Variants in FOXK1 observed in about 807,000 individuals in gnomAD.
FOXK1 encodes forkhead box protein K1.
In FOXK1, 19 loss-of-function variants were observed where a neutral mutation model predicts 51.9. That is an observed-to-expected ratio of 0.37 (90% CI 0.26 to 0.54). The LOEUF is 0.54. FOXK1 is among the 20% of genes least tolerant of loss of function. FOXK1 has a pLI of 0.87. For missense variants in FOXK1, 870 were observed against 1,032.7 expected, an observed-to-expected ratio of 0.84 and a Z score of 2.16; for synonymous variants, 537 against 482.6, an observed-to-expected ratio of 1.11 and a Z score of -1.48.
chr7:4,704,510 A>G (rs1278242613), intron 1 of FOXK1, among the ~76,000 whole-genome samples: 1 of 151,612 alleles, frequency 6.6e-6, no homozygotes, highest in Non-Finnish European at 1.5e-5. Flanking sequence ...ACACAAATAA[A>G]TATTTTTCAA....
chr7:4,754,967 A>C, intron 3 of FOXK1: 2 of 564,630 alleles, frequency 3.5e-6, no homozygotes, highest in Non-Finnish European at 6.3e-6. Context: ...TTTTTGTCCA[A>C]TAGCTGTTTT....
intron 1 of FOXK1, among the ~76,000 whole-genome samples, chr7:4,701,060 C>G (rs149853226): frequency 9.1e-4 from 138 of 152,336 alleles, no homozygotes; most frequent in African/African-American, 3.2e-3. Context: ...CTGCCCCAGC[C>G]TGTTCCAGCA....
Position 4,764,630 on chromosome 7 carries a change from G to T in FOXK1, c.*2166G>T, listed in dbSNP as rs529095919. The T allele has an allele frequency of 6.5e-6, 1 of 153,006 alleles. No homozygotes were observed. The allele number at this position is 153,006 out of a possible 1,614,324, so 9.5% of individuals were successfully genotyped here. ...GTGTGGCCTGAGCCGGCGCCCTCCC[G>T]GGAGCGCCCGTCACGGGGGGCCTCT... On this transcript the variant is annotated 3_prime_UTR_variant, in exon 9 of 9. Coordinates refer to ENST00000328914, the MANE Select transcript of FOXK1 (RefSeq NM_001037165.2).
Position 4,729,001 on chromosome 7 carries a change from T to G in FOXK1, c.561-11837T>G, listed in dbSNP as rs1030708074. On this transcript the variant is annotated intron_variant, in intron 1 of 8. Coordinates refer to ENST00000328914, the MANE Select transcript of FOXK1 (RefSeq NM_001037165.2). The surrounding 1 kb of genome is among the most constrained non-coding windows in gnomAD (Gnocchi z 6.2). The stretch of plus-strand genomic sequence containing the variant: ...ATTTTGACTTCCCAGAAGCATTTTC[T>G]TAAATCAGCGTAGAGACAGAAGATG... Among the ~76,000 whole-genome samples the G allele has an allele frequency of 2.0e-5, 3 of 152,240 alleles. No homozygotes were observed. The highest frequency in any genetic ancestry group is 4.4e-5 in the Non-Finnish European group (3 of 68,040).
In FOXK1 at chr7:4,730,513, G is replaced by GTGTC. The variant is rs1780436768; in HGVS notation, c.561-10320_561-10317dup. ...GTTTGCAGGCACCAGTGCTGGTTCCGTGTCTGTCGGGGAGGGGATGGACGT... is the reference window on the plus strand; with the variant it reads ...GTTTGCAGGCACCAGTGCTGGTTCCGTGTCTGTCTGTCGGGGAGGGGATGGACGT... On this transcript the variant is annotated intron_variant, in intron 1 of 8. Transcript: ENST00000328914. This position sits in a 1 kb window ranked among gnomAD's most constrained non-coding sequence, Gnocchi z 4.7. 6.6e-6 allele frequency among the ~76,000 whole-genome samples: 1 copy of GTGTC among 152,254 alleles called. No homozygotes were observed. The highest frequency in any genetic ancestry group is 1.5e-5 in the Non-Finnish European group (1 of 68,042).
chr7:4,737,552 CTG>C (rs146678822), intron 1 of FOXK1, among the ~76,000 whole-genome samples: 216 of 148,878 alleles, frequency 1.5e-3, no homozygotes, highest in African/African-American at 4.0e-3. Context: ...GTGTGCGTGC[CTG>C]TGTGTGTGTG....
At position 4,683,045 on chromosome 7, in the gene FOXK1, C is replaced by T. The variant is rs190857619; in HGVS notation, c.560+177C>T. On this transcript the variant is annotated intron_variant, in intron 1 of 8. Transcript: ENST00000328914. The surrounding 1 kb of genome is among the most constrained non-coding windows in gnomAD (Gnocchi z 4.5). ...CCGGGGTCAACCCCGACCCCCGCCT[C>T]CTGGCTCCCTAGGATCACCCCGACC... is the stretch of plus-strand genomic sequence containing the variant. Among the ~76,000 whole-genome samples, 1,166 of 146,284 alleles carry T rather than the reference C, an allele frequency of 8.0e-3. 17 individuals carry two copies. Among genetic ancestry groups the T allele is most frequent in the African/African-American group, 0.027 (1,061 of 39,552 alleles).
chr7:4,701,169 G>C (rs1391406452), intron 1 of FOXK1, among the ~76,000 whole-genome samples: 4 of 152,190 alleles, frequency 2.6e-5, no homozygotes, highest in East Asian at 3.9e-4. Flanking sequence ...GGCTGTGAAG[G>C]CTGCACGATC....
At chr7:4,713,241 T>C (rs1038215316) in intron 1 of FOXK1, among the ~76,000 whole-genome samples, 1 of 152,268 alleles carries the variant, frequency 6.6e-6, no homozygotes, top group Non-Finnish European at 1.5e-5. Flanking sequence ...AAATTATTAT[T>C]TCTTTTCTGT....
At position 4,706,738 on chromosome 7, in the gene FOXK1, A is replaced by G. The variant is rs1780107072; in HGVS notation, c.560+23870A>G. ...CTCGTGAAAGACACGTACAGGGTGAAACGTTCGAAAGCTATGTGAATGAGG... is the reference window on the plus strand; with the variant it reads ...CTCGTGAAAGACACGTACAGGGTGAGACGTTCGAAAGCTATGTGAATGAGG... On this transcript the variant is annotated intron_variant, in intron 1 of 8. Coordinates refer to ENST00000328914, the MANE Select transcript of FOXK1 (RefSeq NM_001037165.2). Among the ~76,000 whole-genome samples the G allele has an allele frequency of 3.3e-5, 5 of 152,368 alleles. No individual in the cohort carries two copies. The South Asian group carries it at 1.0e-3, about 32-fold the overall frequency.
rs768309283 is a variant in FOXK1 at position 4,748,109 on chromosome 7, A to G, written c.747-6350A>G. Among the ~76,000 whole-genome samples, 13 of 151,960 alleles carry G rather than the reference A, an allele frequency of 8.6e-5. No individual in the cohort carries two copies. The highest frequency in any genetic ancestry group is 5.2e-4 in the Admixed American group (8 of 15,258). On this transcript the variant is annotated intron_variant, in intron 2 of 8. Coordinates refer to ENST00000328914, the MANE Select transcript of FOXK1 (RefSeq NM_001037165.2). This position sits in a 1 kb window ranked among gnomAD's most constrained non-coding sequence, Gnocchi z 4.9. ...GAAAATTTTCTTTCCCTATTTGTTTATTTTTCCTTTTTCAGATTACGAAGA... is the reference window on the plus strand; with the variant it reads ...GAAAATTTTCTTTCCCTATTTGTTTGTTTTTCCTTTTTCAGATTACGAAGA...
chr7:4,723,562 C>CA lies in FOXK1; in HGVS notation c.561-17273dup, dbSNP rs536527370. On this transcript the variant is annotated intron_variant, in intron 1 of 8. Transcript: ENST00000328914. The surrounding 1 kb of genome is among the most constrained non-coding windows in gnomAD (Gnocchi z 4.7). ...ATCCCGTCAGCCCACGGTGCCTCTA[C>CA]AAACACAGGTCCCTCCTCGCCGTGG... 1.5e-3 allele frequency among the ~76,000 whole-genome samples: 221 copies of CA among 152,284 alleles called. No individual in the cohort carries two copies. The highest frequency in any genetic ancestry group is 5.1e-3 in the African/African-American group (210 of 41,562).
rs994861422 is a variant in FOXK1, at chr7:4,743,658, G to A, written c.746+2635G>A. Among the ~76,000 whole-genome samples, 2 of 152,194 alleles carry A rather than the reference G, an allele frequency of 1.3e-5. No individual in the cohort carries two copies. The highest frequency in any genetic ancestry group is 6.5e-5 in the Admixed American group (1 of 15,274). On this transcript the variant is annotated intron_variant, in intron 2 of 8. Coordinates refer to ENST00000328914, the MANE Select transcript of FOXK1 (RefSeq NM_001037165.2). This position sits in a 1 kb window ranked among gnomAD's most constrained non-coding sequence, Gnocchi z 5.3. ...CTTCACCTAGTACCACCTTAAAGGC[G>A]CTGTAGAAATGGTGGCCAAGACCAG...
intron 2 of FOXK1, among the ~76,000 whole-genome samples, chr7:4,741,290 GTTTT>G (rs1780630629): frequency 6.6e-6 from 1 of 151,398 alleles, no homozygotes; most frequent in African/African-American, 2.4e-5. Context: ...TTTTTTTGTT[GTTTT>G]TTGTTTTTTT....
In FOXK1 at chr7:4,759,399, C is replaced by T. The variant is rs754228342; in HGVS notation, c.1500C>T (p.Ala500=). The change falls in exon 7 of 9, where the codon GCC becomes GCT. Residue 500 remains alanine, a synonymous_variant. Transcript: ENST00000328914. ...CCAAGCCCGTGGCCTACATGCCCGC[C>T]TCCATCGTAACCTCACAGCAGCCCG... ...LVAKPVAYMP[A]SIVTSQQPAG... 1.9e-6 allele frequency: 3 copies of T among 1,601,732 alleles called. No homozygotes were observed. Among genetic ancestry groups the T allele is most frequent in the Non-Finnish European group, 1.7e-6 (2 of 1,178,736 alleles).
chr7:4,739,727 C>T (rs765061118), intron 1 of FOXK1, among the ~76,000 whole-genome samples: 5 of 152,242 alleles, frequency 3.3e-5, no homozygotes, highest in Non-Finnish European at 7.3e-5. Flanking sequence ...CTGCGACTCC[C>T]GCCTGCCGGA....
chr7:4,705,993 CGTATATAT>C (rs1780091273), intron 1 of FOXK1, among the ~76,000 whole-genome samples: 4 of 103,220 alleles, frequency 3.9e-5, no homozygotes, highest in South Asian at 2.6e-4. Context: ...CGTATATATA[CGTATATAT>C]ACGTATATAT....
At chr7:4,708,957 C>G (rs934206998) in intron 1 of FOXK1, among the ~76,000 whole-genome samples, 2 of 150,942 alleles carry the variant, frequency 1.3e-5, no homozygotes. Context: ...CCCAGCTACT[C>G]GGGAGACTGA....
intron 1 of FOXK1, among the ~76,000 whole-genome samples, chr7:4,725,388 T>C (rs958145299): frequency 3.0e-4 from 46 of 152,036 alleles, no homozygotes; most frequent in African/African-American, 9.9e-4. Flanking sequence ...TGTCATCGGA[T>C]TTTTTTTCAC....
Sources: allele counts gnomAD v4.1 joint callset (sites outside exome capture counted in the v4.1 genomes callset), GRCh38; gene constraint gnomAD v4.1.1; non-coding constraint Gnocchi (gnomAD v3.1); transcripts MANE v1.5; gene names NCBI Gene and HGNC (gene_info 2026-07-23, HGNC 2026-07-21).